CCDC158: variants seen among roughly 807,000 people sequenced by gnomAD.
CCDC158 encodes the protein coiled-coil domain containing 158, also known as coiled-coil domain-containing protein 158.
A neutral mutation model predicts 138.6 loss-of-function variants in CCDC158; 116 were observed. The observed-to-expected ratio is 0.84, with a 90% CI of 0.72 to 0.98. The LOEUF (loss-of-function observed/expected upper bound fraction) is 0.98, where lower values mean the gene tolerates loss of function less well. CCDC158 is among the 50% of genes least tolerant of loss of function. CCDC158 has a pLI of 0.00. For synonymous variants in CCDC158, 436 were observed against 442.4 expected, an observed-to-expected ratio of 0.99 and a Z score of 0.18; for missense variants, 1,265 against 1,306.1, an observed-to-expected ratio of 0.97 and a Z score of 0.48.
Position 76,355,361 on chromosome 4 carries a change from A to G in CCDC158, c.2249T>C (p.Ile750Thr). 1 of 1,613,834 alleles carries G rather than the reference A, an allele frequency of 6.2e-7. No homozygotes were observed. The highest frequency in any genetic ancestry group is 8.5e-7 in the Non-Finnish European group (1 of 1,179,928). ...RGQIDALQSK[I>T]QFLEEAMTNA... Reference sequence around the variant, plus strand: ...TGTCATTGCCTCTTCCAAAAACTGTATCTTGCTCTGAAGGGCATCTATCTG... The same window carrying G: ...TGTCATTGCCTCTTCCAAAAACTGTGTCTTGCTCTGAAGGGCATCTATCTG... The change falls in exon 15 of 25, where the codon ATA (isoleucine) becomes ACA (threonine). Residue 750 changes from isoleucine (I) to threonine (T), a missense_variant. Coordinates refer to ENST00000682701, the MANE Select transcript of CCDC158 (RefSeq NM_001394954.1).
At chr4:76,417,506 T>C (rs572725300) in intron 1 of CCDC158, among the ~76,000 whole-genome samples, 1 of 152,208 alleles carries the variant, frequency 6.6e-6, no homozygotes, top group South Asian at 2.1e-4. Flanking sequence ...CCCACCCAAA[T>C]CTCAACTTGA....
intron 4 of CCDC158, among the ~76,000 whole-genome samples, chr4:76,395,733 T>C (rs1350033828): frequency 2.0e-5 from 3 of 152,218 alleles, no homozygotes; most frequent in African/African-American, 7.2e-5. Flanking sequence ...GCTTTGTATG[T>C]GGCAGTAATG....
chr4:76,409,589 T>C (rs1729125918), intron 2 of CCDC158, among the ~76,000 whole-genome samples: 1 of 152,138 alleles, frequency 6.6e-6, no homozygotes, highest in Admixed American at 6.5e-5. Context: ...CCCAGCACTG[T>C]GGGAGGCTGA....
intron 18 of CCDC158, among the ~76,000 whole-genome samples, chr4:76,340,649 C>T (rs754562053): frequency 6.6e-6 from 1 of 151,726 alleles, no homozygotes; most frequent in African/African-American, 2.4e-5. Context: ...CAACACCCTT[C>T]GGGTGTCACT....
At chr4:76,345,206 G>A (rs1212725587) in intron 18 of CCDC158, 2 of 948,646 alleles carry the variant, frequency 2.1e-6, no homozygotes, top group Non-Finnish European at 3.5e-6. Context: ...ACAAACTTAG[G>A]AAAGTAGAGG....
chr4:76,347,984 T>C (rs1345337959), intron 18 of CCDC158, among the ~76,000 whole-genome samples: 1 of 152,170 alleles, frequency 6.6e-6, no homozygotes, highest in Non-Finnish European at 1.5e-5. Context: ...AACAGAAATT[T>C]ACTGTTCACA....
At chr4:76,404,982 C>T (rs11097350) in intron 2 of CCDC158, among the ~76,000 whole-genome samples, 96,084 of 151,970 alleles carry the variant, frequency 0.63, 30,796 homozygotes, top group East Asian at 0.79. Flanking sequence ...AACAGAACTA[C>T]TATTTAAAAC....
At chr4:76,352,818 G>T in intron 16 of CCDC158, 1 of 217,886 alleles carries the variant, frequency 4.6e-6, no homozygotes, top group Non-Finnish European at 8.9e-6. Flanking sequence ...TGCTCATGGA[G>T]ACCTTTTTAC....
chr4:76,417,515 G>A (rs1729790027), intron 1 of CCDC158, among the ~76,000 whole-genome samples: 1 of 152,108 alleles, frequency 6.6e-6, no homozygotes, highest in Non-Finnish European at 1.5e-5. Flanking sequence ...ATCTCAACTT[G>A]AACTGTATAT....
At chr4:76,408,370 T>G (rs909738301) in intron 2 of CCDC158, among the ~76,000 whole-genome samples, 12 of 152,134 alleles carry the variant, frequency 7.9e-5, no homozygotes, top group African/African-American at 2.7e-4. Context: ...TGGTGTGTGA[T>G]GTTCCCCTTC....
At chr4:76,368,998 G>A (rs916151930) in intron 11 of CCDC158, among the ~76,000 whole-genome samples, 1 of 151,980 alleles carries the variant, frequency 6.6e-6, no homozygotes, top group African/African-American at 2.4e-5. Context: ...GGCAGATCAT[G>A]AGGTCATGAG....
intron 18 of CCDC158, among the ~76,000 whole-genome samples, chr4:76,337,241 C>T (rs537936055): frequency 3.9e-5 from 6 of 152,218 alleles, no homozygotes; most frequent in East Asian, 3.9e-4. Context: ...CTGCCCGCCT[C>T]GGCCTCCCAA....
intron 18 of CCDC158, among the ~76,000 whole-genome samples, chr4:76,347,368 T>C (rs910048489): frequency 6.6e-6 from 1 of 152,062 alleles, no homozygotes; most frequent in African/African-American, 2.4e-5. Context: ...CATGGAACAC[T>C]ATGCAGCCAT....
In CCDC158 at chr4:76,331,406, G is replaced by A; in HGVS notation, c.2883-3C>T. 1 of 1,613,056 alleles carries A rather than the reference G, an allele frequency of 6.2e-7. No homozygotes were observed. Among genetic ancestry groups the A allele is most frequent in the Non-Finnish European group, 8.5e-7 (1 of 1,179,088 alleles). On this transcript the variant is annotated splice_region_variant and splice_polypyrimidine_tract_variant and intron_variant, in intron 20 of 24. Coordinates refer to ENST00000682701, the MANE Select transcript of CCDC158 (RefSeq NM_001394954.1). Reference sequence around the variant, plus strand: ...AGTCCCTCAACGAGTTGTTGCTTCTGTTGGTAGAGGGATGGGAGAAATCAC... The same window carrying A: ...AGTCCCTCAACGAGTTGTTGCTTCTATTGGTAGAGGGATGGGAGAAATCAC...
chr4:76,396,566 C>T (rs1727825865), intron 3 of CCDC158, 80 bp from the exon 4 acceptor site: 1 of 1,044,326 alleles, frequency 9.6e-7, no homozygotes, highest in African/African-American at 1.6e-5. Flanking sequence ...GGCTGGAGTG[C>T]AATGGCGCGA....
chr4:76,411,264 T>C lies in CCDC158; in HGVS notation c.-74+826A>G, dbSNP rs933215145. On this transcript the variant is annotated intron_variant, in intron 2 of 24. Coordinates refer to ENST00000682701, the MANE Select transcript of CCDC158 (RefSeq NM_001394954.1). ...AAAAAATGAAAAAATTAGCCGGGCA[T>C]GGTGGTACTTGCCTGTAGTCCCAGC... Among the ~76,000 whole-genome samples the C allele has an allele frequency of 2.0e-5, 3 of 152,192 alleles. No individual in the cohort carries two copies. In the South Asian group the frequency reaches 6.2e-4, roughly 32 times the overall value.
At chr4:76,340,572 C>A (rs1206230821) in intron 18 of CCDC158, among the ~76,000 whole-genome samples, 2 of 152,158 alleles carry the variant, frequency 1.3e-5, no homozygotes, top group African/African-American at 4.8e-5. Context: ...AACATCCTAT[C>A]TTTGTGAAGC....
intron 3 of CCDC158, among the ~76,000 whole-genome samples, chr4:76,398,582 A>C (rs1728041028): frequency 6.7e-6 from 1 of 148,648 alleles, no homozygotes; most frequent in South Asian, 2.1e-4. Flanking sequence ...CATGAGAATC[A>C]TTTGAACCCG....
chr4:76,420,953 C>A lies in CCDC158; in HGVS notation c.-117+12G>T, dbSNP rs1167570289. Reference sequence around the variant, plus strand: ...CACCATCCTCGTCTCCCGGGCCGCGCCCCGCTTGTACCTGCAACCAACACC... The same window carrying A: ...CACCATCCTCGTCTCCCGGGCCGCGACCCGCTTGTACCTGCAACCAACACC... On this transcript the variant is annotated intron_variant, in intron 1 of 24. Transcript: ENST00000682701. Among the ~76,000 whole-genome samples the A allele has an allele frequency of 1.3e-5, 2 of 152,152 alleles. No individual in the cohort carries two copies. Among genetic ancestry groups the A allele is most frequent in the African/African-American group, 2.4e-5 (1 of 41,454 alleles).
Sources: gnomAD v4.1 joint callset for allele counts (sites outside exome capture counted in the v4.1 genomes callset) on GRCh38, gnomAD v4.1.1 for gene constraint, MANE v1.5 for transcripts, NCBI Gene and HGNC (gene_info 2026-07-23, HGNC 2026-07-21) for gene names.